Variants in TLCD4 observed in about 807,000 individuals in gnomAD.
TLCD4 encodes the protein TLC domain containing 4, also known as TLC domain-containing protein 4.
In TLCD4, 7 loss-of-function variants were observed where a neutral mutation model predicts 24.2. That is an observed-to-expected ratio of 0.29 (90% CI 0.16 to 0.54). The LOEUF is 0.54. TLCD4 is among the 20% of genes least tolerant of loss of function. TLCD4 has a pLI of 0.95. For synonymous variants in TLCD4, 103 were observed against 106.4 expected (o/e 0.97, Z 0.20); for missense variants, 259 against 313.9 (o/e 0.82, Z 1.32).
At chr1:95,109,599 C>T in the TLCD4 span, among the ~76,000 whole-genome samples, 1 of 151,594 alleles carries the variant, frequency 6.6e-6, no homozygotes, top group African/African-American at 2.4e-5. Flanking sequence ...GGGATTCTCC[C>T]ACCTCAGCCT....
At chr1:95,130,383 A>T (rs554663775) in intron 1 of TLCD4, among the ~76,000 whole-genome samples, 6 of 152,184 alleles carry the variant, frequency 3.9e-5, no homozygotes, top group Admixed American at 3.9e-4. Flanking sequence ...CAAACTCCTG[A>T]TGTTGTGATC....
At chr1:95,126,495 G>T (rs1676740091) in intron 1 of TLCD4, among the ~76,000 whole-genome samples, 2 of 151,316 alleles carry the variant, frequency 1.3e-5, no homozygotes, top group Non-Finnish European at 2.9e-5. Context: ...CTTTTAATCT[G>T]TTGCCAAATA....
At chr1:95,160,910 T>A (rs902563389) in intron 5 of TLCD4, among the ~76,000 whole-genome samples, 4 of 152,226 alleles carry the variant, frequency 2.6e-5, no homozygotes, top group African/African-American at 9.6e-5. Flanking sequence ...TTGCCAGTAT[T>A]TTATTGAGGA....
the TLCD4 span, among the ~76,000 whole-genome samples, chr1:95,094,602 A>C: frequency 6.6e-6 from 1 of 152,190 alleles, no homozygotes; most frequent in Non-Finnish European, 1.5e-5. Flanking sequence ...CAGGTTAAAC[A>C]TCTGTGAACT....
At chr1:95,121,905 T>A (rs1676582160) in intron 1 of TLCD4, among the ~76,000 whole-genome samples, 1 of 152,260 alleles carries the variant, frequency 6.6e-6, no homozygotes, top group Non-Finnish European at 1.5e-5. Context: ...GAGAAACTGA[T>A]GAGGCAACCA....
In TLCD4 at chr1:95,196,394, G is replaced by C. The variant is rs1412717833; in HGVS notation, c.*4526G>C. On this transcript the variant is annotated 3_prime_UTR_variant, in exon 7 of 7. Transcript: ENST00000370203. ...AACTTTGCTATGGTAATGTTTCTTT[G>C]AAAACAAATTTACCAGCAACTGCGT... is the stretch of plus-strand genomic sequence containing the variant. 1 of 152,114 alleles carries C rather than the reference G, an allele frequency of 6.6e-6. No individual in the cohort carries two copies. Among genetic ancestry groups the C allele is most frequent in the Non-Finnish European group, 1.5e-5 (1 of 68,002 alleles). 9.4% of individuals were successfully genotyped at this position (152,114 alleles called of 1,614,324 possible).
intron 1 of TLCD4, among the ~76,000 whole-genome samples, chr1:95,128,765 G>A (rs1676810654): frequency 1.3e-5 from 2 of 152,208 alleles, no homozygotes; most frequent in Admixed American, 6.5e-5. Context: ...GTGTGTGTGT[G>A]GTGGGGGTGG....
chr1:95,162,848 G>A lies in TLCD4; in HGVS notation c.400-10968G>A, dbSNP rs534234892. ...ATTGGCCCCCACTCTGTTCTGGCTT[G>A]TAGAGTTTCTGCCGAGAGATCCGCT... On this transcript the variant is annotated intron_variant, in intron 5 of 6. Coordinates refer to ENST00000370203, the MANE Select transcript of TLCD4 (RefSeq NM_152487.3). 2.6e-5 allele frequency among the ~76,000 whole-genome samples: 4 copies of A among 152,354 alleles called. No individual in the cohort carries two copies. In the South Asian group the frequency reaches 6.2e-4, roughly 24 times the overall value.
chr1:95,184,526 C>G (rs946417001), intron 6 of TLCD4, among the ~76,000 whole-genome samples: 4 of 152,060 alleles, frequency 2.6e-5, no homozygotes, highest in Non-Finnish European at 5.9e-5. Context: ...GGTTCAAGTT[C>G]CTTTAGAAGG....
chr1:95,111,025 C>T, the TLCD4 span, among the ~76,000 whole-genome samples: 1 of 151,950 alleles, frequency 6.6e-6, no homozygotes, highest in Admixed American at 6.6e-5. Flanking sequence ...GGTGTGGTGG[C>T]TCATTCCTGT....
At chr1:95,138,734 T>G (rs1220663783) in intron 1 of TLCD4, among the ~76,000 whole-genome samples, 1 of 152,142 alleles carries the variant, frequency 6.6e-6, no homozygotes, top group Non-Finnish European at 1.5e-5. Context: ...GAATACATGG[T>G]GTAGACAGAT....
At chr1:95,110,697 T>G in the TLCD4 span, among the ~76,000 whole-genome samples, 1 of 151,886 alleles carries the variant, frequency 6.6e-6, no homozygotes, top group Non-Finnish European at 1.5e-5. Context: ...AAGACCAACC[T>G]GCACAACATG....
intron 5 of TLCD4, among the ~76,000 whole-genome samples, chr1:95,162,766 AG>A (rs1677861235): frequency 6.6e-6 from 1 of 152,158 alleles, no homozygotes. Flanking sequence ...TATGAAGCTT[AG>A]TTTAGCTGGA....
intron 5 of TLCD4, among the ~76,000 whole-genome samples, chr1:95,155,612 G>A (rs989049155): frequency 3.3e-5 from 5 of 152,068 alleles, no homozygotes; most frequent in Non-Finnish European, 5.9e-5. Flanking sequence ...GCTGATGGAC[G>A]TATGTGTCAC....
intron 1 of TLCD4, among the ~76,000 whole-genome samples, chr1:95,122,472 C>T (rs1175352834): frequency 6.6e-6 from 1 of 152,162 alleles, no homozygotes; most frequent in Non-Finnish European, 1.5e-5. Flanking sequence ...TGCAGCCTCC[C>T]CTTGACCTGA....
intron 5 of TLCD4, among the ~76,000 whole-genome samples, chr1:95,173,314 CT>C (rs202107448): frequency 0.012 from 1,651 of 143,342 alleles, 12 homozygotes; most frequent in Non-Finnish European, 0.018. Flanking sequence ...TGTGATCATT[CT>C]TTTTTTTTTT....
intron 1 of TLCD4, among the ~76,000 whole-genome samples, chr1:95,139,280 T>C (rs1367131373): frequency 6.6e-6 from 1 of 151,418 alleles, no homozygotes; most frequent in East Asian, 1.9e-4. Context: ...GGTGAATCAC[T>C]GAGTGAGTGG....
At position 95,195,645 on chromosome 1, in the gene TLCD4, T is replaced by G. The variant is rs140220985; in HGVS notation, c.*3777T>G. 6.6e-6 allele frequency: 1 copy of G among 152,292 alleles called. No individual in the cohort carries two copies. The highest frequency in any genetic ancestry group is 1.5e-5 in the Non-Finnish European group (1 of 68,008). The allele number at this position is 152,292 out of a possible 1,614,324, so 9.4% of individuals were successfully genotyped here. On this transcript the variant is annotated 3_prime_UTR_variant, in exon 7 of 7. Transcript: ENST00000370203. ...CCAGCATACAGCGAGACCCTTCATG[T>G]GTCTCTGGATGCACATATATCTTCC...
rs558789172 is a variant in TLCD4 at position 95,142,933 on chromosome 1, G to T, written c.-11-958G>T. Among the ~76,000 whole-genome samples the T allele has an allele frequency of 1.4e-3, 179 of 125,180 alleles. 1 individual carries two copies. The highest frequency in any genetic ancestry group is 4.8e-3 in the African/African-American group (166 of 34,374). The allele number at this position is 125,180 out of a possible 152,430, so 82.1% of individuals were successfully genotyped here. A position where few individuals can be genotyped will look rare whatever the true frequency, so the allele number is the denominator to read the frequency against. ...CGCACCACTGCACTCTAGCCTGGGG[G>T]ACACAGCAAGACTCCATCTGGAGGC... On this transcript the variant is annotated intron_variant, in intron 1 of 6. Coordinates refer to ENST00000370203, the MANE Select transcript of TLCD4 (RefSeq NM_152487.3).
Sources: allele counts gnomAD v4.1 joint callset (sites outside exome capture counted in the v4.1 genomes callset), GRCh38; gene constraint gnomAD v4.1.1; transcripts MANE v1.5; gene names NCBI Gene and HGNC (gene_info 2026-07-23, HGNC 2026-07-21).